The following ATP6V1A variants were observed in gnomAD, a reference collection of about 807,000 sequenced individuals.
ATP6V1A encodes the protein ATPase H+ transporting V1 subunit A, also known as V-type proton ATPase catalytic subunit A.
Under a neutral mutation model 70.1 loss-of-function variants are expected in ATP6V1A, and 18 were observed. The observed-to-expected ratio is 0.26, with a 90% CI of 0.18 to 0.38. ATP6V1A has a LOEUF of 0.38. Among genes scored for constraint, ATP6V1A ranks in the 10% least tolerant of loss-of-function variants. The pLI is 1.00. For synonymous variants in ATP6V1A, 232 were observed against 253.8 expected (o/e 0.91, Z 0.82); for missense variants, 424 against 772.4 (o/e 0.55, Z 5.35).
intron 1 of ATP6V1A, among the ~76,000 whole-genome samples, chr3:113,772,605 A>C (rs1451800254): frequency 6.6e-6 from 1 of 151,626 alleles, no homozygotes; most frequent in Non-Finnish European, 1.5e-5. Context: ...GCAGGCACCT[A>C]TAGTACCAGC....
chr3:113,781,157 A>G lies in ATP6V1A; in HGVS notation c.190A>G (p.Ile64Val), dbSNP rs140326941. The change falls in exon 3 of 15, where the codon ATT (isoleucine) becomes GTT (valine). Residue 64 changes from isoleucine to valine, a missense_variant. Ile to Val is a conservative substitution (Grantham distance 29). This residue lies in a region of ATP6V1A where 31 missense variants were observed against 78.6 expected (regional missense o/e 0.39). Transcript: ENST00000273398. ...IIRLEGDMAT[I>V]QVYEETSGVS... is the part of the protein sequence containing the mutation. ...TCGATTGGAGGGTGACATGGCTACT[A>G]TTCAGGTGTATGAAGAAACTTGTAT... 1 of 1,611,456 alleles carries G rather than the reference A, an allele frequency of 6.2e-7. No individual in the cohort carries two copies. Among genetic ancestry groups the G allele is most frequent in the African/African-American group, 1.3e-5 (1 of 74,740 alleles).
chr3:113,806,012 C>T (rs1009514602), intron 14 of ATP6V1A, among the ~76,000 whole-genome samples: 10 of 152,158 alleles, frequency 6.6e-5, no homozygotes, highest in African/African-American at 2.4e-4. Context: ...GGTTCTCATG[C>T]CTGTAATCCC....
chr3:113,774,322 A>G (rs906706763), intron 1 of ATP6V1A, among the ~76,000 whole-genome samples: 3 of 152,208 alleles, frequency 2.0e-5, no homozygotes, highest in African/African-American at 7.2e-5. Flanking sequence ...AAAAAAGGCA[A>G]TCTTAGCTTA....
At chr3:113,787,964 A>G (rs1254065603) in intron 6 of ATP6V1A, among the ~76,000 whole-genome samples, 2 of 152,208 alleles carry the variant, frequency 1.3e-5, no homozygotes, top group African/African-American at 4.8e-5. Context: ...TCTGTGACCC[A>G]GGCTGGAATG....
intron 3 of ATP6V1A, among the ~76,000 whole-genome samples, chr3:113,782,542 C>CTCTCTCTATATA (rs749059556): frequency 2.8e-5 from 4 of 141,166 alleles, no homozygotes; most frequent in African/African-American, 1.1e-4. Context: ...CTCTCTCTCT[C>CTCTCTCTATATA]TATATATATA....
In ATP6V1A at chr3:113,770,028, CTTTTATTTA is replaced by C. The variant is rs1708817103; in HGVS notation, c.-13-8709_-13-8701del. On this transcript the variant is annotated intron_variant, in intron 1 of 14. Coordinates refer to ENST00000273398, the MANE Select transcript of ATP6V1A (RefSeq NM_001690.4). ...TCAAAGTATGTAATAAGTATTCCTGCTTTTATTTATTTATTTATTTATTTATTTATTTAT... is the reference window on the plus strand; with the variant it reads ...TCAAAGTATGTAATAAGTATTCCTGCTTTATTTATTTATTTATTTATTTAT... Among the ~76,000 whole-genome samples the C allele has an allele frequency of 4.3e-5, 5 of 115,818 alleles. No homozygotes were observed. The South Asian group carries it at 1.5e-3, about 35-fold the overall frequency. The allele number at this position is 115,818 out of a possible 152,430, so 76.0% of individuals were successfully genotyped here.
In ATP6V1A at chr3:113,750,684, A is replaced by G. The variant is rs75745887; in HGVS notation, c.-14+3571A>G. On this transcript the variant is annotated intron_variant, in intron 1 of 14. Transcript: ENST00000273398. ...CACGTTTAAATCTATAGATGGTGCT[A>G]TTAAGTTAGATCATGAATGTAAAAT... Among the ~76,000 whole-genome samples the G allele has an allele frequency of 2.0e-5, 3 of 152,344 alleles. No homozygotes were observed. The East Asian group carries it at 5.8e-4, about 29-fold the overall frequency.
chr3:113,754,996 A>G (rs1708630886), intron 1 of ATP6V1A, among the ~76,000 whole-genome samples: 1 of 152,102 alleles, frequency 6.6e-6, no homozygotes, highest in Non-Finnish European at 1.5e-5. Flanking sequence ...TCCCCTTTTC[A>G]TTACCAGTTT....
intron 5 of ATP6V1A, among the ~76,000 whole-genome samples, chr3:113,785,063 A>G (rs1577090017): frequency 6.6e-6 from 1 of 152,238 alleles, no homozygotes; most frequent in East Asian, 1.9e-4. Flanking sequence ...TACCATATTA[A>G]CTGATGCTAC....
rs746606076 is a variant in ATP6V1A, at chr3:113,781,135, A to G, written c.168A>G (p.Arg56=). 2.5e-6 allele frequency: 4 copies of G among 1,613,620 alleles called. No homozygotes were observed. Among genetic ancestry groups the G allele is most frequent in the African/African-American group, 1.3e-5 (1 of 74,882 alleles). The change falls in exon 3 of 15, where the codon CGA becomes CGG. Residue 56 remains arginine, a synonymous_variant. Transcript: ENST00000273398. ...GHSELVGEII[R]LEGDMATIQV... ...GCGAATTGGTTGGAGAGATTATTCG[A>G]TTGGAGGGTGACATGGCTACTATTC...
At chr3:113,792,912 TG>T (rs1709111971) in intron 8 of ATP6V1A, among the ~76,000 whole-genome samples, 1 of 152,254 alleles carries the variant, frequency 6.6e-6, no homozygotes, top group South Asian at 2.1e-4. Context: ...ATTAGATACC[TG>T]TTCAATCTGT....
chr3:113,796,715 A>G (rs1472748294), intron 11 of ATP6V1A, among the ~76,000 whole-genome samples: 1 of 152,218 alleles, frequency 6.6e-6, no homozygotes, highest in South Asian at 2.1e-4. Context: ...TGTTTCTGAC[A>G]GTATCAGAGA....
At chr3:113,786,531 A>G (rs1195448527) in intron 6 of ATP6V1A, 148 bp downstream of exon 6, 1 of 814,312 alleles carries the variant, frequency 1.2e-6, no homozygotes, top group Non-Finnish European at 1.7e-6. Context: ...ATTTTTATCT[A>G]TTGCTAGCAC....
intron 14 of ATP6V1A, among the ~76,000 whole-genome samples, chr3:113,807,794 T>C (rs1709293425): frequency 6.6e-6 from 1 of 152,158 alleles, no homozygotes; most frequent in Admixed American, 6.6e-5. Context: ...TAGCATTGTT[T>C]TGTGGCTGGA....
At chr3:113,764,543 C>T (rs1486536645) in intron 1 of ATP6V1A, among the ~76,000 whole-genome samples, 1 of 152,142 alleles carries the variant, frequency 6.6e-6, no homozygotes, top group East Asian at 1.9e-4. Context: ...CTTCTGAAAA[C>T]AGATTTTAAA....
intron 1 of ATP6V1A, among the ~76,000 whole-genome samples, chr3:113,766,911 G>T (rs940780525): frequency 2.6e-5 from 4 of 152,006 alleles, no homozygotes; most frequent in African/African-American, 9.7e-5. Context: ...ACATACCTAG[G>T]TGTTGTGACC....
At chr3:113,794,795 G>C in intron 8 of ATP6V1A, 77 bp from the exon 9 acceptor site, 2 of 1,498,396 alleles carry the variant, frequency 1.3e-6, no homozygotes, top group Non-Finnish European at 1.8e-6. Context: ...TTGCTTTAAG[G>C]TTTTCTTAAG....
At chr3:113,771,738 CT>C (rs1242454031) in intron 1 of ATP6V1A, among the ~76,000 whole-genome samples, 4 of 151,816 alleles carry the variant, frequency 2.6e-5, no homozygotes, top group Admixed American at 1.3e-4. Flanking sequence ...CGCCCGGCCT[CT>C]TTTTTTCTTT....
intron 1 of ATP6V1A, among the ~76,000 whole-genome samples, chr3:113,755,868 A>T (rs1708642438): frequency 6.6e-6 from 1 of 152,158 alleles, no homozygotes. Context: ...TCTGGACCTT[A>T]CATTTTTCGC....
Sources: allele counts gnomAD v4.1 joint callset (sites outside exome capture counted in the v4.1 genomes callset), GRCh38; gene constraint gnomAD v4.1.1; regional missense constraint gnomAD v4.1.1; transcripts MANE v1.5; gene names NCBI Gene and HGNC (gene_info 2026-07-23, HGNC 2026-07-21).